PGAP4: variants seen among roughly 807,000 people sequenced by gnomAD.
The protein encoded by PGAP4 is GPI-N-acetylgalactosamine transferase PGAP4.
In PGAP4, 12 loss-of-function variants were observed where a neutral mutation model predicts 28.2. That is an observed-to-expected ratio of 0.42 (90% CI 0.27 to 0.69). PGAP4 has a LOEUF of 0.69. Among genes scored for constraint, PGAP4 ranks in the 30% least tolerant of loss-of-function variants. The pLI, the probability that PGAP4 is intolerant of heterozygous loss-of-function variation, is 0.22. For synonymous variants in PGAP4, 205 were observed against 211.8 expected (o/e 0.97, Z 0.28); for missense variants, 425 against 513.5 (o/e 0.83, Z 1.67).
intron 1 of PGAP4, among the ~76,000 whole-genome samples, chr9:101,478,577 T>C (rs1043307436): frequency 2.6e-5 from 4 of 152,190 alleles, no homozygotes; most frequent in African/African-American, 9.7e-5. Flanking sequence ...GGTGGAGTCA[T>C]GTGACTAGGG....
At chr9:101,517,156 A>T (rs1232942798) in intron 2 of PGAP4, among the ~76,000 whole-genome samples, 1 of 152,190 alleles carries the variant, frequency 6.6e-6, no homozygotes, top group African/African-American at 2.4e-5. Flanking sequence ...CTGTTTGTAT[A>T]TAAGATTTCA....
chr9:101,518,923 C>CTAGT (rs1826962569), intron 2 of PGAP4, among the ~76,000 whole-genome samples: 1 of 152,166 alleles, frequency 6.6e-6, no homozygotes, highest in African/African-American at 2.4e-5. Context: ...AGTTTACATT[C>CTAGT]CCACCAGCAG....
At chr9:101,510,439 G>C (rs1280317466) in intron 2 of PGAP4, among the ~76,000 whole-genome samples, 1 of 151,414 alleles carries the variant, frequency 6.6e-6, no homozygotes, top group Non-Finnish European at 1.5e-5. Context: ...AGGGTGCTTT[G>C]TCTCTATGTG....
In PGAP4 at chr9:101,476,200, G is replaced by T; in HGVS notation, c.893C>A (p.Ser298Tyr). Residue 298 changes from serine (S) to tyrosine (Y), a missense_variant, in exon 2 of 2, where the codon TCC (serine) becomes TAC (tyrosine). Ser to Tyr is a moderately radical substitution (Grantham distance 144). Coordinates refer to ENST00000374848, the MANE Select transcript of PGAP4 (RefSeq NM_032342.3). The surrounding 1 kb of genome is among the most constrained non-coding windows in gnomAD (Gnocchi z 7.0). ...GFSWPVMLFFSLYSMGLVELV... is the reference protein window; with the variant it reads ...GFSWPVMLFFYLYSMGLVELV... ...CTCCACCAGACCCATGCTATACAGG[G>T]AGAAGAAGAGCATTACAGGCCAGCT... The T allele has an allele frequency of 6.2e-7, 1 of 1,614,154 alleles. No homozygotes were observed. Among genetic ancestry groups the T allele is most frequent in the African/African-American group, 1.3e-5 (1 of 75,028 alleles).
chr9:101,477,151 G>T lies in PGAP4; in HGVS notation c.-59C>A. On this transcript the variant is annotated 5_prime_UTR_variant, in exon 2 of 2. It adds an upstream start codon to the 5' untranslated region. Coordinates refer to ENST00000374848, the MANE Select transcript of PGAP4 (RefSeq NM_032342.3). Reference sequence around the variant, plus strand: ...AAAAACCATCCTGGAACTCAGGCCAGAGTCATCAGAAATCAAACCTAAAGA... The same window carrying T: ...AAAAACCATCCTGGAACTCAGGCCATAGTCATCAGAAATCAAACCTAAAGA... 6.7e-7 allele frequency: 1 copy of T among 1,493,600 alleles called. No individual in the cohort carries two copies. 92.5% of individuals were successfully genotyped at this position (1,493,600 alleles called of 1,614,324 possible).
At chr9:101,497,518 C>T (rs1826761848) in intron 2 of PGAP4, among the ~76,000 whole-genome samples, 2 of 151,478 alleles carry the variant, frequency 1.3e-5, no homozygotes, top group African/African-American at 4.8e-5. Context: ...TTAATAGTTT[C>T]ATAACTCTCA....
chr9:101,521,052 A>T (rs7852231), intron 2 of PGAP4, among the ~76,000 whole-genome samples: 1 of 152,244 alleles, frequency 6.6e-6, no homozygotes, highest in East Asian at 1.9e-4. Flanking sequence ...CCATCCCTGC[A>T]TCCCTGGTAT....
upstream of PGAP4, among the ~76,000 whole-genome samples, chr9:101,488,055 T>G (rs1480351804): frequency 1.3e-5 from 2 of 152,200 alleles, no homozygotes; most frequent in Admixed American, 1.3e-4. Context: ...TTTCTTCTTG[T>G]GTAAGTAAAA....
chr9:101,483,297 A>T (rs1564094466), intron 1 of PGAP4, among the ~76,000 whole-genome samples: 1 of 152,220 alleles, frequency 6.6e-6, no homozygotes, highest in Non-Finnish European at 1.5e-5. Context: ...TATACTGTGT[A>T]GAGATCGACT....
intron 2 of PGAP4, among the ~76,000 whole-genome samples, chr9:101,493,691 A>T (rs544793722): frequency 1.5e-3 from 236 of 152,296 alleles, no homozygotes; most frequent in Non-Finnish European, 2.9e-3. Flanking sequence ...TTACAGCATG[A>T]AAACATTAGC....
chr9:101,512,760 A>G (rs1467477286), intron 2 of PGAP4, among the ~76,000 whole-genome samples: 2 of 152,206 alleles, frequency 1.3e-5, no homozygotes, highest in Non-Finnish European at 2.9e-5. Flanking sequence ...AATAGCTTTC[A>G]TCAATGTGGT....
At chr9:101,521,686 T>G (rs1028344067) in intron 2 of PGAP4, among the ~76,000 whole-genome samples, 1 of 152,124 alleles carries the variant, frequency 6.6e-6, no homozygotes, top group African/African-American at 2.4e-5. Flanking sequence ...TCTTTTGTAT[T>G]TTTTGTTTGT....
At chr9:101,494,026 A>C (rs1288013412) in intron 2 of PGAP4, among the ~76,000 whole-genome samples, 1 of 152,062 alleles carries the variant, frequency 6.6e-6, no homozygotes, top group Non-Finnish European at 1.5e-5. Flanking sequence ...TTGATCGTAT[A>C]AGAATTTTAG....
chr9:101,497,298 A>G (rs2118587959), intron 2 of PGAP4, among the ~76,000 whole-genome samples: 1 of 151,620 alleles, frequency 6.6e-6, no homozygotes, highest in East Asian at 1.9e-4. Flanking sequence ...GATATTAGAC[A>G]AAGATAGTCA....
chr9:101,476,405 C>T lies in PGAP4; in HGVS notation c.688G>A (p.Ala230Thr). 1 of 1,614,106 alleles carries T rather than the reference C, an allele frequency of 6.2e-7. No homozygotes were observed. The highest frequency in any genetic ancestry group is 2.2e-5 in the East Asian group (1 of 44,852). ...CTGAGATGTGGCTCAGAGAAGCGAG[C>T]CCGCAGAAGGTGCTCCAAGACTGGG... ...IFPVLEHLLRARFSEPHLRDA... is the reference protein window; with the variant it reads ...IFPVLEHLLRTRFSEPHLRDA... Residue 230 changes from alanine (A) to threonine (T), a missense_variant, in exon 2 of 2, where the codon GCT (alanine) becomes ACT (threonine). Ala to Thr is a moderately conservative substitution (Grantham distance 58). Coordinates refer to ENST00000374848, the MANE Select transcript of PGAP4 (RefSeq NM_032342.3). The surrounding 1 kb of genome is among the most constrained non-coding windows in gnomAD (Gnocchi z 7.0).
chr9:101,505,335 A>C (rs1826840953), intron 2 of PGAP4, among the ~76,000 whole-genome samples: 2 of 152,154 alleles, frequency 1.3e-5, no homozygotes, highest in African/African-American at 4.8e-5. Flanking sequence ...TTAGGAAGAC[A>C]GAATTGGATG....
At chr9:101,513,448 A>G (rs1236693641) in intron 2 of PGAP4, among the ~76,000 whole-genome samples, 1 of 152,214 alleles carries the variant, frequency 6.6e-6, no homozygotes, top group Admixed American at 6.5e-5. Flanking sequence ...GAATCTAGGA[A>G]CAGTCAGACC....
chr9:101,504,239 G>C lies in PGAP4; in HGVS notation c.-164-15039C>G, dbSNP rs561394720. Among the ~76,000 whole-genome samples, 121 of 42,926 alleles carry C rather than the reference G, an allele frequency of 2.8e-3. 1 individual carries two copies. The highest frequency in any genetic ancestry group is 0.029 in the Middle Eastern group (2 of 70). 28.2% of individuals were successfully genotyped at this position (42,926 alleles called of 152,430 possible). A position where few individuals can be genotyped will look rare whatever the true frequency, so the allele number is the denominator to read the frequency against. On this transcript the variant is annotated intron_variant, in intron 2 of 3. Transcript: ENST00000374851. ...TTTTTTTTTTTTTTTTTTTTTTTTG[G>C]TTGGTTTCTTGGTTCTTGTATTACT...
At chr9:101,510,741 A>T (rs1345914730) in intron 2 of PGAP4, among the ~76,000 whole-genome samples, 5 of 152,154 alleles carry the variant, frequency 3.3e-5, no homozygotes, top group African/African-American at 1.2e-4. Context: ...TGTGACAAGT[A>T]CACAATGCGG....
Sources: gnomAD v4.1 joint callset for allele counts (sites outside exome capture counted in the v4.1 genomes callset) on GRCh38, gnomAD v4.1.1 for gene constraint, Gnocchi (gnomAD v3.1) non-coding constraint, MANE v1.5 for transcripts, NCBI Gene and HGNC (gene_info 2026-07-23, HGNC 2026-07-21) for gene names.